The following PECR variants were observed in gnomAD, a reference collection of about 807,000 sequenced individuals.
PECR encodes the protein peroxisomal trans-2-enoyl-CoA reductase.
A neutral mutation model predicts 35.3 loss-of-function variants in PECR; 30 were observed. The ratio of observed to expected loss-of-function variants is 0.85; its 90% CI spans 0.64 to 1.15. PECR has a LOEUF of 1.15. Among genes scored for constraint, PECR ranks in the 50% most tolerant of loss-of-function variants. The pLI is 0.00. For missense variants in PECR, 392 were observed against 370.8 expected (o/e 1.06, Z -0.47); for synonymous variants, 148 against 138.9 (o/e 1.07, Z -0.46).
At chr2:216,036,432 C>T (rs1433370120), downstream of PECR, among the ~76,000 whole-genome samples, 1 of 152,190 alleles carries the variant, frequency 6.6e-6, no homozygotes, top group African/African-American at 2.4e-5. Context: ...TGCCAGGGGA[C>T]ATAAGGTCCC....
intron 1 of PECR, among the ~76,000 whole-genome samples, chr2:216,069,401 G>A (rs1695541866): frequency 6.6e-6 from 1 of 152,168 alleles, no homozygotes; most frequent in Non-Finnish European, 1.5e-5. Context: ...TCTAAGGGGG[G>A]ACTGGCCAAC....
At chr2:216,031,579 GAA>G (rs1694700874) in intron 7 of PECR, among the ~76,000 whole-genome samples, 1 of 137,122 alleles carries the variant, frequency 7.3e-6, no homozygotes, top group African/African-American at 2.6e-5. Flanking sequence ...AGGAAGGAAA[GAA>G]AGAAGGAAAG....
chr2:216,030,829 C>T (rs1156443533), intron 7 of PECR, among the ~76,000 whole-genome samples: 1 of 150,416 alleles, frequency 6.6e-6, no homozygotes, highest in Non-Finnish European at 1.5e-5. Flanking sequence ...TTCCAAAGTG[C>T]TAGGATTACA....
At chr2:216,054,559 CT>C (rs936200220) in intron 4 of PECR, among the ~76,000 whole-genome samples, 116 of 151,654 alleles carry the variant, frequency 7.6e-4, no homozygotes, top group African/African-American at 2.7e-3. Context: ...TGGTCTCGAA[CT>C]CCTGACCTCA....
chr2:216,058,921 A>G lies in PECR; in HGVS notation c.480T>C (p.Pro160=), dbSNP rs762132068. 1.2e-6 allele frequency: 2 copies of G among 1,606,962 alleles called. No homozygotes were observed. The highest frequency in any genetic ancestry group is 1.7e-5 in the Admixed American group (1 of 60,006). ...CAGCTAATGGAAATCCAGCTTTAGT[A>G]GGGACAATGATATTGACGATAGATC... is the stretch of plus-strand genomic sequence containing the variant. ...HGGSIVNIIV[P]TKAGFPLAVH... The change falls in exon 4 of 8, where the codon CCT becomes CCC. Residue 160 remains proline (P), a synonymous_variant. Transcript: ENST00000265322.
intron 4 of PECR, among the ~76,000 whole-genome samples, chr2:216,053,012 C>A (rs977036034): frequency 6.6e-6 from 1 of 151,802 alleles, no homozygotes. Context: ...CGCCATCACG[C>A]CTGGCTAATT....
intron 1 of PECR, among the ~76,000 whole-genome samples, chr2:216,074,908 A>C (rs1280943929): frequency 6.6e-6 from 1 of 152,226 alleles, no homozygotes; most frequent in Admixed American, 6.5e-5. Flanking sequence ...ATGGTTAAAT[A>C]AGTTATTACA....
rs555158313 is a variant in PECR at position 216,072,036 on chromosome 2, C to T, written c.125-5518G>A. On this transcript the variant is annotated intron_variant, in intron 1 of 7. Coordinates refer to ENST00000265322, the MANE Select transcript of PECR (RefSeq NM_018441.6). The stretch of plus-strand genomic sequence containing the variant: ...TATGAACTGTTAAGTGGTTCTTTTA[C>T]ATATATATTTTAAAGATGAGGTCTC... 3.9e-5 allele frequency among the ~76,000 whole-genome samples: 6 copies of T among 152,290 alleles called. No individual in the cohort carries two copies. The South Asian group carries it at 1.0e-3, about 26-fold the overall frequency.
At chr2:216,039,549 A>G (rs1694852894) in intron 7 of PECR, among the ~76,000 whole-genome samples, 189 bp from the exon 8 acceptor site, 1 of 152,226 alleles carries the variant, frequency 6.6e-6, no homozygotes, top group South Asian at 2.1e-4. Context: ...GCTTTCCTGA[A>G]TTTGGGCACA....
chr2:216,081,118 T>C (rs964798263), intron 1 of PECR, among the ~76,000 whole-genome samples: 3 of 152,262 alleles, frequency 2.0e-5, no homozygotes, highest in Non-Finnish European at 2.9e-5. Flanking sequence ...TTCTCCTTTG[T>C]GGTTTATTCC....
intron 4 of PECR, among the ~76,000 whole-genome samples, chr2:216,052,550 A>G (rs1369176334): frequency 6.6e-6 from 1 of 152,196 alleles, no homozygotes; most frequent in Admixed American, 6.5e-5. Context: ...TTACACCACT[A>G]ACTTTTAACT....
chr2:216,033,368 C>T (rs1694740930), intron 7 of PECR, among the ~76,000 whole-genome samples: 2 of 152,116 alleles, frequency 1.3e-5, no homozygotes, highest in Admixed American at 6.5e-5. Context: ...CCTCCGCTGT[C>T]TCAATGCCTT....
rs746902082 is a variant in PECR, at chr2:216,081,779, C to G, written c.-38G>C. 34 of 1,607,790 alleles carry G rather than the reference C, an allele frequency of 2.1e-5. No homozygotes were observed. The highest frequency in any genetic ancestry group is 2.7e-5 in the Non-Finnish European group (32 of 1,178,922). On this transcript the variant is annotated 5_prime_UTR_variant, in exon 1 of 8. Transcript: ENST00000265322. ...GTGCCAGAGCAGCTGAGCGCAGGCC[C>G]TTCTGGGTCTCAGGGACATTCGAGG...
intron 1 of PECR, among the ~76,000 whole-genome samples, chr2:216,070,266 A>C (rs987982184): frequency 6.6e-6 from 1 of 152,252 alleles, no homozygotes; most frequent in Non-Finnish European, 1.5e-5. Flanking sequence ...AAATCAGGCT[A>C]ATGTATCTAT....
At chr2:216,043,166 G>A (rs1418828936) in intron 7 of PECR, among the ~76,000 whole-genome samples, 1 of 150,572 alleles carries the variant, frequency 6.6e-6, no homozygotes, top group Admixed American at 6.6e-5. Context: ...AGAGTGCAGT[G>A]GCACAATCTC....
At chr2:216,058,327 A>G (rs1695270841) in intron 4 of PECR, among the ~76,000 whole-genome samples, 1 of 152,112 alleles carries the variant, frequency 6.6e-6, no homozygotes, top group Non-Finnish European at 1.5e-5. Flanking sequence ...CATGTTTGGG[A>G]GTTCTGCATA....
chr2:216,039,904 T>C (rs989222803), intron 7 of PECR, among the ~76,000 whole-genome samples: 3 of 152,190 alleles, frequency 2.0e-5, no homozygotes, highest in African/African-American at 7.2e-5. Flanking sequence ...TGGTTGGAAA[T>C]GGACATTTGC....
intron 5 of PECR, 45 bp downstream of exon 5, chr2:216,051,404 A>C (rs769942208): frequency 1.8e-6 from 2 of 1,136,132 alleles, no homozygotes; most frequent in South Asian, 2.4e-5. Flanking sequence ...ATGGAATCAG[A>C]AAGCATAATT....
At position 216,040,740 on chromosome 2, in the gene PECR, G is replaced by A. The variant is rs138096326; in HGVS notation, c.827-1380C>T. Among the ~76,000 whole-genome samples, 437 of 152,056 alleles carry A rather than the reference G, an allele frequency of 2.9e-3. 4 individuals carry two copies. The highest frequency in any genetic ancestry group is 0.01 in the African/African-American group (423 of 41,498). On this transcript the variant is annotated intron_variant, in intron 7 of 7. Transcript: ENST00000265322. Reference sequence around the variant, plus strand: ...AAAAAAATTAGTGGGGCATAGTGTCGGGCACCTGTAATCCCAGCTACTCTG... The same window carrying A: ...AAAAAAATTAGTGGGGCATAGTGTCAGGCACCTGTAATCCCAGCTACTCTG...
Sources: allele counts gnomAD v4.1 joint callset (sites outside exome capture counted in the v4.1 genomes callset), GRCh38; gene constraint gnomAD v4.1.1; transcripts MANE v1.5; gene names NCBI Gene and HGNC (gene_info 2026-07-23, HGNC 2026-07-21).